The following ERG variants were observed in gnomAD, a reference collection of about 807,000 sequenced individuals.
The protein encoded by ERG is ETS transcription factor ERG, also known as transcriptional regulator ERG.
Under a neutral mutation model 55.3 loss-of-function variants are expected in ERG, and 9 were observed. The ratio of observed to expected loss-of-function variants is 0.16; its 90% confidence interval spans 0.10 to 0.28. The LOEUF (loss-of-function observed/expected upper bound fraction) is 0.28, where lower values mean the gene tolerates loss of function less well. ERG is among the 10% of genes least tolerant of loss of function. ERG has a pLI of 1.00. For synonymous variants in ERG, 223 were observed against 237.3 expected, an observed-to-expected ratio of 0.94 and a Z score of 0.55; for missense variants, 434 against 631.6, an observed-to-expected ratio of 0.69 and a Z score of 3.35.
At position 38,460,837 on chromosome 21, in the gene ERG, G is replaced by A. The variant is rs137970090; in HGVS notation, c.19-15216C>T. ...TGTAGGTTTTAACGAGCTCTGAATG[G>A]CAAATGGCAGACAATGGTGTCACTT... On this transcript the variant is annotated intron_variant, in intron 1 of 9. Transcript: ENST00000288319. This position sits in a 1 kb window ranked among gnomAD's most constrained non-coding sequence, Gnocchi z 5.0. 6.4e-4 allele frequency among the ~76,000 whole-genome samples: 98 copies of A among 152,306 alleles called. No individual in the cohort carries two copies. The East Asian group carries it at 8.5e-3, about 13-fold the overall frequency.
intron 2 of ERG, among the ~76,000 whole-genome samples, chr21:38,545,359 AC>A (rs1182397606): frequency 6.6e-6 from 1 of 152,130 alleles, no homozygotes; most frequent in African/African-American, 2.4e-5. Flanking sequence ...TCAGAGGTAA[AC>A]GCTCCCTTGC....
intron 2 of ERG, among the ~76,000 whole-genome samples, chr21:38,548,356 T>A (rs2146810444): frequency 6.6e-6 from 1 of 152,234 alleles, no homozygotes; most frequent in African/African-American, 2.4e-5. Flanking sequence ...AATTTAAAAT[T>A]ATGTTCTAAA....
chr21:38,548,450 ATT>A (rs879449636), intron 2 of ERG, among the ~76,000 whole-genome samples: 6 of 141,596 alleles, frequency 4.2e-5, no homozygotes, highest in Non-Finnish European at 1.5e-5. Context: ...TTATCATATG[ATT>A]TTTTTTTTTT....
At chr21:38,455,171 A>G (rs1193395250) in intron 1 of ERG, among the ~76,000 whole-genome samples, 3 of 150,846 alleles carry the variant, frequency 2.0e-5, no homozygotes, top group Non-Finnish European at 4.4e-5. Flanking sequence ...GATAGCCCTC[A>G]AACTTCTGAA....
chr21:38,442,805 A>T (rs2058853865), intron 2 of ERG, among the ~76,000 whole-genome samples: 1 of 151,956 alleles, frequency 6.6e-6, no homozygotes, highest in African/African-American at 2.4e-5. Flanking sequence ...TTATTTTTTT[A>T]TTTTTTATTT....
At chr21:38,635,531 A>G (rs1305323014) in intron 1 of ERG, among the ~76,000 whole-genome samples, 2 of 152,236 alleles carry the variant, frequency 1.3e-5, no homozygotes, top group Admixed American at 1.3e-4. Flanking sequence ...AACCAAGAGG[A>G]AACTTCACAG....
At chr21:38,447,036 C>T (rs1256182373) in intron 1 of ERG, among the ~76,000 whole-genome samples, 5 of 152,032 alleles carry the variant, frequency 3.3e-5, no homozygotes, top group African/African-American at 4.8e-5. Context: ...CTAGAAGCAG[C>T]CCTTCTGAGA....
At chr21:38,401,801 T>G (rs1433015129) in intron 5 of ERG, among the ~76,000 whole-genome samples, 1 of 152,062 alleles carries the variant, frequency 6.6e-6, no homozygotes, top group Non-Finnish European at 1.5e-5. Context: ...AACACATTCA[T>G]CCACAGAAAA....
intron 3 of ERG, among the ~76,000 whole-genome samples, chr21:38,405,822 G>A (rs1464093885): frequency 6.6e-6 from 1 of 152,102 alleles, no homozygotes; most frequent in African/African-American, 2.4e-5. Flanking sequence ...AGCATTGGAT[G>A]TCTACCAATA....
chr21:38,411,079 G>A (rs1337066449), intron 3 of ERG, among the ~76,000 whole-genome samples: 1 of 152,130 alleles, frequency 6.6e-6, no homozygotes, highest in Non-Finnish European at 1.5e-5. Context: ...TGCATCCTCA[G>A]GAGGACAGAA....
At chr21:38,493,835 C>A (rs977329662) in intron 1 of ERG, among the ~76,000 whole-genome samples, 1 of 152,304 alleles carries the variant, frequency 6.6e-6, no homozygotes, top group African/African-American at 2.4e-5. Flanking sequence ...CTGCCCAGAC[C>A]CAGATGTACC....
In ERG at chr21:38,609,994, C is replaced by T. The variant is rs565130779; in HGVS notation, c.-149-25049G>A. On this transcript the variant is annotated intron_variant, in intron 1 of 10. Transcript: ENST00000398910. The stretch of plus-strand genomic sequence containing the variant: ...TTAAAGGAGAAAAGTTACTTAAATG[C>T]TCCAAGCCATTTTTAACACGGCTTC... 3.9e-5 allele frequency among the ~76,000 whole-genome samples: 6 copies of T among 152,288 alleles called. No individual in the cohort carries two copies. In the South Asian group the frequency reaches 6.2e-4, roughly 16 times the overall value.
At chr21:38,417,869 G>A (rs992710907) in intron 3 of ERG, among the ~76,000 whole-genome samples, 1 of 152,148 alleles carries the variant, frequency 6.6e-6, no homozygotes, top group Non-Finnish European at 1.5e-5. Context: ...CTGCTAAAGC[G>A]AGAGGTCCTA....
At chr21:38,619,126 A>G (rs1568953617) in intron 1 of ERG, among the ~76,000 whole-genome samples, 1 of 152,114 alleles carries the variant, frequency 6.6e-6, no homozygotes, top group Admixed American at 6.5e-5. Context: ...GATGGTGTCA[A>G]TGACACACTC....
upstream of ERG, among the ~76,000 whole-genome samples, chr21:38,586,143 T>C (rs2060062581): frequency 6.9e-6 from 1 of 144,812 alleles, no homozygotes; most frequent in South Asian, 2.3e-4. Context: ...ATAAAAGTAA[T>C]ATATATTTAC....
chr21:38,627,811 A>G (rs370777393), intron 1 of ERG, among the ~76,000 whole-genome samples: 2 of 152,224 alleles, frequency 1.3e-5, no homozygotes, highest in East Asian at 3.8e-4. Context: ...TAATACTCCT[A>G]TGCAAGAAAG....
rs539696175 is a variant in ERG at position 38,476,813 on chromosome 21, T to C, written c.18+21550A>G. Among the ~76,000 whole-genome samples the C allele has an allele frequency of 2.0e-5, 3 of 152,268 alleles. No individual in the cohort carries two copies. In the East Asian group the frequency reaches 5.8e-4, roughly 29 times the overall value. ...AGGGGGAAAAGGTGGGCAATGGCTC[T>C]GTTCATAACTCTGGTAACTTTTGGC... On this transcript the variant is annotated intron_variant, in intron 1 of 9. Transcript: ENST00000288319.
At chr21:38,438,489 C>T (rs534490040) in intron 2 of ERG, among the ~76,000 whole-genome samples, 2 of 152,322 alleles carry the variant, frequency 1.3e-5, no homozygotes, top group South Asian at 4.1e-4. Context: ...GCAGATACTC[C>T]CTACTTTTTC....
chr21:38,521,151 G>C (rs934321287), intron 2 of ERG, among the ~76,000 whole-genome samples: 1 of 152,140 alleles, frequency 6.6e-6, no homozygotes, highest in Admixed American at 6.5e-5. Flanking sequence ...CCGGGCTTCA[G>C]TGAGTGTGCA....
Sources: allele counts gnomAD v4.1 joint callset (sites outside exome capture counted in the v4.1 genomes callset), GRCh38; gene constraint gnomAD v4.1.1; non-coding constraint Gnocchi (gnomAD v3.1); transcripts MANE v1.5; gene names NCBI Gene and HGNC (gene_info 2026-07-23, HGNC 2026-07-21).